VSIG4: variants seen among roughly 807,000 people sequenced by gnomAD.
VSIG4 encodes the protein V-set and immunoglobulin domain containing 4, also known as V-set and immunoglobulin domain-containing protein 4.
In VSIG4, 34 loss-of-function variants were observed where a neutral mutation model predicts 23.4. The ratio of observed to expected loss-of-function variants is 1.45; its 90% confidence interval spans 1.10 to 1.93. The LOEUF is 1.93. Among genes scored for constraint, VSIG4 ranks in the 30% most tolerant of loss-of-function variants. The pLI is 0.00. For missense variants in VSIG4, 433 were observed against 310.8 expected, an observed-to-expected ratio of 1.39 and a Z score of -2.96; for synonymous variants, 169 against 120.3, an observed-to-expected ratio of 1.41 and a Z score of -2.65.
At chrX:66,029,266 G>C (rs1198331558) in intron 3 of VSIG4, among the ~76,000 whole-genome samples, 1 of 111,459 alleles carries the variant, frequency 9.0e-6, no homozygotes, top group Non-Finnish European at 1.9e-5. Flanking sequence ...TTTTGAGAAA[G>C]GTTTACTTCC....
intron 1 of VSIG4, among the ~76,000 whole-genome samples, chrX:66,037,377 AAT>A (rs1211120801): frequency 3.2e-5 from 1 of 31,039 alleles, no homozygotes; most frequent in Non-Finnish European, 4.7e-5. Context: ...AATATAATAT[AAT>A]ATATAATATA....
At chrX:66,028,708 C>A (rs1049928788) in intron 3 of VSIG4, among the ~76,000 whole-genome samples, 7 of 109,317 alleles carry the variant, frequency 6.4e-5, no homozygotes, top group African/African-American at 2.3e-4. Context: ...TCCCCTTACC[C>A]CTTCTACCTC....
chrX:66,036,992 T>G (rs2085580782), intron 1 of VSIG4, among the ~76,000 whole-genome samples: 1 of 39,687 alleles, frequency 2.5e-5, no homozygotes, highest in Non-Finnish European at 3.8e-5. Flanking sequence ...TATCATATAA[T>G]ATAATATATC....
At chrX:66,037,856 G>A (rs746051569) in intron 1 of VSIG4, among the ~76,000 whole-genome samples, 1 of 96,038 alleles carries the variant, frequency 1.0e-5, no homozygotes, top group Non-Finnish European at 2.0e-5. Flanking sequence ...CCTTATAAAA[G>A]CAAATGTCTG....
chrX:66,035,165 T>C (rs2085521579), intron 1 of VSIG4, among the ~76,000 whole-genome samples: 1 of 111,185 alleles, frequency 9.0e-6, no homozygotes, highest in East Asian at 2.8e-4. Flanking sequence ...TAGCATATTT[T>C]AGTCAAGAAA....
Position 66,021,886 on chromosome X carries a change from TA to T in VSIG4, c.*376del, listed in dbSNP as rs1254096394. The T allele has an allele frequency of 4.6e-5, 16 of 350,278 alleles. No homozygotes were observed. The highest frequency in any genetic ancestry group is 4.2e-4 in the African/African-American group (16 of 37,806). The allele number at this position is 350,278 out of a possible 1,213,427, so 28.9% of individuals were successfully genotyped here. ...CTGAAGAAAGAGAAATGATCCTGGA[TA>T]TAGCTGGTCCTCTGAGCTGGCAGAG... On this transcript the variant is annotated 3_prime_UTR_variant, in exon 8 of 8. Transcript: ENST00000374737.
intron 1 of VSIG4, among the ~76,000 whole-genome samples, 153 bp from the exon 2 acceptor site, chrX:66,033,983 G>A (rs1602106813): frequency 8.9e-6 from 1 of 111,963 alleles, no homozygotes; most frequent in Non-Finnish European, 1.9e-5. Flanking sequence ...TTTGCTCTTT[G>A]CCAGCCTTCT....
intron 3 of VSIG4, among the ~76,000 whole-genome samples, chrX:66,030,659 G>T (rs1054479922): frequency 2.1e-4 from 23 of 111,090 alleles, no homozygotes; most frequent in African/African-American, 4.6e-4. Flanking sequence ...GAGGAAGGAA[G>T]TTACCTTATC....
At chrX:66,029,633 G>A (rs1196848530) in intron 3 of VSIG4, among the ~76,000 whole-genome samples, 3 of 111,711 alleles carry the variant, frequency 2.7e-5, no homozygotes, top group Non-Finnish European at 5.6e-5. Flanking sequence ...GAGACCATGA[G>A]GGTATAGGAA....
intron 2 of VSIG4, 38 bp downstream of exon 2, chrX:66,033,435 AT>A: frequency 9.0e-7 from 1 of 1,111,293 alleles, no homozygotes; most frequent in East Asian, 3.0e-5. Flanking sequence ...CTATTGATTC[AT>A]TGATTATCAG....
rs746474004 is a variant in VSIG4, at chrX:66,025,074, C to T, written c.891G>A (p.Val297=). ...GCATGATATAGGCCATGGTAAAAAC[C>T]ACCATACAGCACAAGGAGATGATGA... ...IILIISLCCM[V]VFTMAYIMLC... is the part of the protein sequence containing the mutation. The change falls in exon 6 of 8, where the codon GTG becomes GTA. Residue 297 remains valine (V), a synonymous_variant. Transcript: ENST00000374737. The T allele has an allele frequency of 8.3e-7, 1 of 1,205,926 alleles. No individual in the cohort carries two copies. The highest frequency in any genetic ancestry group is 1.1e-6 in the Non-Finnish European group (1 of 892,813).
chrX:66,028,110 A>C lies in VSIG4; in HGVS notation c.697T>G (p.Ser233Ala), dbSNP rs771796980. Residue 233 changes from serine (S) to alanine (A), a missense_variant and splice_region_variant, in exon 4 of 8, where the codon TCC becomes GCC. By Grantham distance (99) the Ser-to-Ala change is moderately conservative. Transcript: ENST00000374737. The stretch of plus-strand genomic sequence containing the variant: ...GTCTTGGTCTTGAGTAGCTTTGAGG[A>C]GTCTGCAAGGAAAAGGGAACCGATT... ...SDIVKFVVKDSSKLLKTKTEA... is the reference protein window; with the variant it reads ...SDIVKFVVKDASKLLKTKTEA... The C allele has an allele frequency of 8.3e-7, 1 of 1,209,394 alleles. No homozygotes were observed. Among genetic ancestry groups the C allele is most frequent in the East Asian group, 3.0e-5 (1 of 33,797 alleles).
Position 66,022,451 on chromosome X carries a change from T to C in VSIG4, c.1012A>G (p.Ile338Val). 1.7e-6 allele frequency: 2 copies of C among 1,212,096 alleles called. No individual in the cohort carries two copies. The highest frequency in any genetic ancestry group is 3.0e-5 in the East Asian group (1 of 33,771). ...NDSGETMRVAIFASGCSSDEP... is the reference protein window; with the variant it reads ...NDSGETMRVAVFASGCSSDEP... ...TCACTGGAGCAGCCACTTGCGAAGA[T>C]GGCCACCCTCATGGTTTCTCCAGAG... Residue 338 changes from isoleucine (I) to valine (V), a missense_variant, in exon 8 of 8, where the codon ATC becomes GTC. Coordinates refer to ENST00000374737, the MANE Select transcript of VSIG4 (RefSeq NM_007268.3).
In VSIG4 at chrX:66,036,915, G is replaced by T. The variant is rs748844381; in HGVS notation, c.55+3029C>A. Among the ~76,000 whole-genome samples, 177 of 13,167 alleles carry T rather than the reference G, an allele frequency of 0.013. 3 individuals carry two copies. The African/African-American group carries it at 0.14, about 10-fold the overall frequency. 11.4% of individuals were successfully genotyped at this position (13,167 alleles called of 115,157 possible). ...TATTTTATTATATAATATATTATAT[G>T]ATATATTATATTATATGATATATTA... On this transcript the variant is annotated intron_variant, in intron 1 of 7. Transcript: ENST00000374737.
chrX:66,022,169 A>G lies in VSIG4; in HGVS notation c.*94T>C, dbSNP rs1304644087. 2 of 1,207,351 alleles carry G rather than the reference A, an allele frequency of 1.7e-6. No homozygotes were observed. The highest frequency in any genetic ancestry group is 1.1e-6 in the Non-Finnish European group (1 of 893,292). On this transcript the variant is annotated 3_prime_UTR_variant, in exon 8 of 8. Transcript: ENST00000374737. Reference sequence around the variant, plus strand: ...TGTTGGTAGGCGGACACTTTGGGCTATCCAGGAAGAGAGGTAGCAGGGAAG... The same window carrying G: ...TGTTGGTAGGCGGACACTTTGGGCTGTCCAGGAAGAGAGGTAGCAGGGAAG...
intron 1 of VSIG4, 30 bp from the exon 2 acceptor site, chrX:66,033,860 A>G (rs769637391): frequency 8.9e-7 from 1 of 1,119,399 alleles, no homozygotes; most frequent in Non-Finnish European, 1.2e-6. Flanking sequence ...GAAAGAAGCA[A>G]ACGTAGATGG....
chrX:66,031,904 T>C, intron 3 of VSIG4, among the ~76,000 whole-genome samples: 1 of 111,856 alleles, frequency 8.9e-6, no homozygotes, highest in South Asian at 3.7e-4. Flanking sequence ...TGTAGATATA[T>C]TAGATCAAGC....
In VSIG4 at chrX:66,021,898, T is replaced by C. The variant is rs1200009206; in HGVS notation, c.*365A>G. 8 of 389,116 alleles carry C rather than the reference T, an allele frequency of 2.1e-5. No individual in the cohort carries two copies. Among genetic ancestry groups the C allele is most frequent in the Non-Finnish European group, 3.1e-5 (7 of 224,674 alleles). The allele number at this position is 389,116 out of a possible 1,213,427, so 32.1% of individuals were successfully genotyped here. A position where few individuals can be genotyped will look rare whatever the true frequency, so the allele number is the denominator to read the frequency against. ...AAATGATCCTGGATATAGCTGGTCCTCTGAGCTGGCAGAGCTGAGCCTCCC... is the reference window on the plus strand; with the variant it reads ...AAATGATCCTGGATATAGCTGGTCCCCTGAGCTGGCAGAGCTGAGCCTCCC... On this transcript the variant is annotated 3_prime_UTR_variant, in exon 8 of 8. Transcript: ENST00000374737.
chrX:66,031,748 T>C (rs1247767161), intron 3 of VSIG4, among the ~76,000 whole-genome samples: 1 of 111,413 alleles, frequency 9.0e-6, no homozygotes, highest in Admixed American at 9.5e-5. Flanking sequence ...TTACAGTCTT[T>C]ATATGCATAG....
Sources: gnomAD v4.1 joint callset for allele counts (sites outside exome capture counted in the v4.1 genomes callset) on GRCh38, gnomAD v4.1.1 for gene constraint, MANE v1.5 for transcripts, NCBI Gene and HGNC (gene_info 2026-07-23, HGNC 2026-07-21) for gene names.